The following EXOC4 variants were observed in gnomAD, a reference collection of about 807,000 sequenced individuals.
EXOC4 encodes the protein exocyst complex component 4, also known as SEC8-like 1.
EXOC4 carries 71 observed loss-of-function variants against 107.2 expected under a neutral mutation model. That is an observed-to-expected ratio of 0.66 (90% CI 0.55 to 0.81). EXOC4 has a LOEUF of 0.81. EXOC4 is among the 30% of genes least tolerant of loss of function. The pLI is 0.00. For synonymous variants in EXOC4, 456 were observed against 441.2 expected, an observed-to-expected ratio of 1.03 and a Z score of -0.42; for missense variants, 1,108 against 1,189.6, an observed-to-expected ratio of 0.93 and a Z score of 1.01.
At chr7:133,365,030 C>T (rs1796221325) in intron 6 of EXOC4, among the ~76,000 whole-genome samples, 1 of 152,120 alleles carries the variant, frequency 6.6e-6, no homozygotes, top group African/African-American at 2.4e-5. Flanking sequence ...CATTTTCCTG[C>T]CCATACCTCA....
At chr7:133,750,547 G>C (rs1184321536) in intron 10 of EXOC4, among the ~76,000 whole-genome samples, 3 of 151,318 alleles carry the variant, frequency 2.0e-5, no homozygotes, top group African/African-American at 4.9e-5. Context: ...GAGAACGTGA[G>C]TAACTGTTGT....
rs565271027 is a variant in EXOC4, at chr7:133,867,878, T to C, written c.1735-27721T>C. On this transcript the variant is annotated intron_variant, in intron 11 of 17. Coordinates refer to ENST00000253861, the MANE Select transcript of EXOC4 (RefSeq NM_021807.4). ...GAAGATTATGACTTGTGCACTGCAC[T>C]GTGTGTTATCTTACTGTATGGTTTA... Among the ~76,000 whole-genome samples, 5 of 152,338 alleles carry C rather than the reference T, an allele frequency of 3.3e-5. No individual in the cohort carries two copies. In the South Asian group the frequency reaches 1.0e-3, roughly 32 times the overall value.
chr7:133,422,889 C>G (rs1201093115), intron 7 of EXOC4, among the ~76,000 whole-genome samples: 1 of 152,208 alleles, frequency 6.6e-6, no homozygotes, highest in Non-Finnish European at 1.5e-5. Context: ...GGGAAAGAAT[C>G]TCATGTTGAA....
In EXOC4 at chr7:133,781,839, C is replaced by T. The variant is rs557989737; in HGVS notation, c.1515-35486C>T. On this transcript the variant is annotated intron_variant, in intron 10 of 17. Coordinates refer to ENST00000253861, the MANE Select transcript of EXOC4 (RefSeq NM_021807.4). ...TAATGCCTTTGGCCAAGTTGTCTAA[C>T]TTATCTTTAGTTTCACCAGCTGTGA... 3.9e-5 allele frequency among the ~76,000 whole-genome samples: 6 copies of T among 152,312 alleles called. No homozygotes were observed. In the South Asian group the frequency reaches 1.2e-3, roughly 32 times the overall value.
At chr7:133,492,107 A>G (rs981101082) in intron 9 of EXOC4, among the ~76,000 whole-genome samples, 2 of 152,192 alleles carry the variant, frequency 1.3e-5, no homozygotes, top group Non-Finnish European at 1.5e-5. Flanking sequence ...TGAAATGTGC[A>G]TTTTAGAAAA....
chr7:133,888,642 T>C (rs1799138590), intron 11 of EXOC4, among the ~76,000 whole-genome samples: 1 of 152,236 alleles, frequency 6.6e-6, no homozygotes, highest in Admixed American at 6.5e-5. Context: ...TTCAGATAGT[T>C]TTTTTAATTC....
intron 15 of EXOC4, among the ~76,000 whole-genome samples, chr7:134,001,233 A>G (rs1794524007): frequency 6.6e-6 from 1 of 152,152 alleles, no homozygotes; most frequent in South Asian, 2.1e-4. Context: ...TGTCACCTTT[A>G]TCAGCTGATT....
chr7:133,572,837 C>G (rs1038404610), intron 9 of EXOC4, among the ~76,000 whole-genome samples: 1 of 152,138 alleles, frequency 6.6e-6, no homozygotes, highest in African/African-American at 2.4e-5. Context: ...TTTAAAAAGG[C>G]TTATGACCAG....
At chr7:133,319,035 A>G (rs1319678530) in intron 5 of EXOC4, among the ~76,000 whole-genome samples, 2 of 152,340 alleles carry the variant, frequency 1.3e-5, no homozygotes, top group Admixed American at 6.5e-5. Context: ...TATGTATTTT[A>G]TCTCTGCCTT....
chr7:134,061,257 A>G (rs1225100515), intron 17 of EXOC4, among the ~76,000 whole-genome samples: 2 of 152,240 alleles, frequency 1.3e-5, no homozygotes, highest in Non-Finnish European at 2.9e-5. Flanking sequence ...CTTAAGATAA[A>G]TGATAAAAAT....
chr7:133,772,662 A>G (rs1433913893), intron 10 of EXOC4, among the ~76,000 whole-genome samples: 1 of 152,152 alleles, frequency 6.6e-6, no homozygotes, highest in Non-Finnish European at 1.5e-5. Context: ...GCCATGAGGT[A>G]GAAACCATGT....
At chr7:133,873,748 G>A (rs1051309000) in intron 11 of EXOC4, among the ~76,000 whole-genome samples, 7 of 152,068 alleles carry the variant, frequency 4.6e-5, no homozygotes, top group African/African-American at 1.2e-4. Context: ...GAAAACTATC[G>A]TACATTCTAA....
intron 5 of EXOC4, among the ~76,000 whole-genome samples, chr7:133,354,235 G>A (rs1439380894): frequency 6.6e-6 from 1 of 151,792 alleles, no homozygotes; most frequent in East Asian, 1.9e-4. Context: ...TGAAAACTGG[G>A]CATTTGAGTT....
At chr7:133,349,856 G>T (rs1297845735) in intron 5 of EXOC4, among the ~76,000 whole-genome samples, 1 of 151,472 alleles carries the variant, frequency 6.6e-6, no homozygotes, top group Admixed American at 6.6e-5. Context: ...TTTTGGGGGG[G>T]GTGATATTAA....
chr7:133,342,620 C>CA (rs1795689887), intron 5 of EXOC4, among the ~76,000 whole-genome samples: 1 of 151,380 alleles, frequency 6.6e-6, no homozygotes, highest in South Asian at 2.1e-4. Flanking sequence ...GTAAGTTTTC[C>CA]AAACTTTTAG....
intron 17 of EXOC4, among the ~76,000 whole-genome samples, chr7:134,014,200 G>A (rs1169782934): frequency 1.3e-5 from 2 of 152,256 alleles, no homozygotes; most frequent in East Asian, 1.9e-4. Flanking sequence ...TCAGGAGATC[G>A]AGACCATCCT....
chr7:133,900,318 T>A (rs1799423338), intron 12 of EXOC4, among the ~76,000 whole-genome samples: 1 of 152,176 alleles, frequency 6.6e-6, no homozygotes, highest in Non-Finnish European at 1.5e-5. Flanking sequence ...AAAAATGCCT[T>A]GCTGTGGGAG....
intron 5 of EXOC4, among the ~76,000 whole-genome samples, chr7:133,324,634 G>A (rs1301067914): frequency 2.0e-5 from 3 of 152,130 alleles, no homozygotes; most frequent in African/African-American, 7.2e-5. Context: ...TTCCTACTAT[G>A]GGGTCAATTT....
At chr7:133,563,050 C>T (rs1383406934) in intron 9 of EXOC4, among the ~76,000 whole-genome samples, 4 of 151,942 alleles carry the variant, frequency 2.6e-5, no homozygotes, top group Admixed American at 2.0e-4. Context: ...TATTTCAGGC[C>T]AAGGAGCACT....
Sources: allele counts gnomAD v4.1 joint callset (sites outside exome capture counted in the v4.1 genomes callset), GRCh38; gene constraint gnomAD v4.1.1; transcripts MANE v1.5; gene names NCBI Gene and HGNC (gene_info 2026-07-23, HGNC 2026-07-21).